MGAT4C: variants seen among roughly 807,000 people sequenced by gnomAD.
MGAT4C encodes alpha-1,3-mannosyl-glycoprotein 4-beta-N-acetylglucosaminyltransferase C.
MGAT4C carries 19 observed loss-of-function variants against 40.1 expected under a neutral mutation model. The ratio of observed to expected loss-of-function variants is 0.47; its 90% confidence interval spans 0.33 to 0.70. MGAT4C has a LOEUF of 0.70. Ranked by LOEUF, MGAT4C falls within the 30% of genes least tolerant of loss-of-function variation. The pLI, the probability that MGAT4C is intolerant of heterozygous loss-of-function variation, is 0.02. For synonymous variants in MGAT4C, 181 were observed against 187.1 expected, an observed-to-expected ratio of 0.97 and a Z score of 0.27; for missense variants, 491 against 563.2, an observed-to-expected ratio of 0.87 and a Z score of 1.30.
At chr12:86,357,663 C>A (rs943156607) in intron 3 of MGAT4C, among the ~76,000 whole-genome samples, 1 of 152,100 alleles carries the variant, frequency 6.6e-6, no homozygotes, top group Non-Finnish European at 1.5e-5. Flanking sequence ...AACCATGGCA[C>A]AAGAACTATG....
At chr12:86,568,321 T>C (rs1257395667) in intron 2 of MGAT4C, among the ~76,000 whole-genome samples, 1 of 152,088 alleles carries the variant, frequency 6.6e-6, no homozygotes, top group Admixed American at 6.6e-5. Flanking sequence ...CTATACTGGA[T>C]GCTTCTGCCC....
chr12:86,605,480 TG>T (rs1962011909), intron 2 of MGAT4C, among the ~76,000 whole-genome samples: 1 of 152,160 alleles, frequency 6.6e-6, no homozygotes, highest in Non-Finnish European at 1.5e-5. Context: ...GATAATTTTC[TG>T]GTAATCAATC....
intron 2 of MGAT4C, among the ~76,000 whole-genome samples, chr12:86,691,551 A>G (rs1181299404): frequency 6.6e-6 from 1 of 152,184 alleles, no homozygotes; most frequent in Admixed American, 6.5e-5. Context: ...GCCAGTTCAC[A>G]CTGAGACTGA....
At chr12:86,551,688 A>G (rs1367895895) in intron 2 of MGAT4C, among the ~76,000 whole-genome samples, 1 of 152,196 alleles carries the variant, frequency 6.6e-6, no homozygotes, top group African/African-American at 2.4e-5. Flanking sequence ...AACAGACCTT[A>G]TGATGGCAAA....
intron 2 of MGAT4C, among the ~76,000 whole-genome samples, chr12:86,464,076 T>G (rs2136297987): frequency 6.6e-6 from 1 of 152,290 alleles, no homozygotes; most frequent in Non-Finnish European, 1.5e-5. Context: ...GTTTGGTTGA[T>G]AAACCAATCT....
intron 2 of MGAT4C, among the ~76,000 whole-genome samples, chr12:86,714,432 G>T (rs1950609301): frequency 6.6e-6 from 1 of 152,054 alleles, no homozygotes; most frequent in Non-Finnish European, 1.5e-5. Flanking sequence ...TGTAGCTCCT[G>T]TAATTCCCAC....
intron 2 of MGAT4C, among the ~76,000 whole-genome samples, chr12:86,489,807 G>A (rs961314397): frequency 5.3e-5 from 8 of 152,128 alleles, no homozygotes; most frequent in African/African-American, 1.4e-4. Context: ...GCGATCAACT[G>A]GAAGAAAGGG....
chr12:86,055,653 C>G (rs552731372), intron 1 of MGAT4C, among the ~76,000 whole-genome samples: 2 of 152,046 alleles, frequency 1.3e-5, no homozygotes, highest in African/African-American at 4.8e-5. Context: ...AGGATCAACA[C>G]TGGATACACA....
intron 4 of MGAT4C, among the ~76,000 whole-genome samples, chr12:86,275,226 T>C (rs1170502483): frequency 1.1e-4 from 17 of 152,104 alleles, no homozygotes; most frequent in Admixed American, 1.0e-3. Context: ...ACCAATCTGA[T>C]AATATTAAAG....
At position 86,175,371 on chromosome 12, in the gene MGAT4C, T is replaced by G. The variant is rs73382805; in HGVS notation, c.-57+80868A>C. On this transcript the variant is annotated intron_variant, in intron 1 of 4. Coordinates refer to ENST00000611864, the MANE Select transcript of MGAT4C (RefSeq NM_001351288.2). Reference sequence around the variant, plus strand: ...TTCTGTCTGCCTGTTCAAACATTGCTTTTACATCCTAAATTTCTCTTAAAT... The same window carrying G: ...TTCTGTCTGCCTGTTCAAACATTGCGTTTACATCCTAAATTTCTCTTAAAT... 3.2e-3 allele frequency among the ~76,000 whole-genome samples: 495 copies of G among 152,308 alleles called. 2 individuals are homozygous for G. The highest frequency in any genetic ancestry group is 0.012 in the African/African-American group (483 of 41,582).
intron 2 of MGAT4C, among the ~76,000 whole-genome samples, chr12:86,670,874 C>A (rs1247197073): frequency 4.6e-5 from 7 of 152,158 alleles, no homozygotes; most frequent in African/African-American, 1.7e-4. Context: ...GATAACTTTG[C>A]AACAAAATAT....
intron 1 of MGAT4C, among the ~76,000 whole-genome samples, chr12:86,729,727 C>T (rs1449450503): frequency 6.6e-6 from 1 of 151,938 alleles, no homozygotes; most frequent in East Asian, 1.9e-4. Flanking sequence ...ATTCTCATAA[C>T]AAAAGCCCTG....
At chr12:86,287,766 T>A (rs983895466) in intron 4 of MGAT4C, among the ~76,000 whole-genome samples, 1 of 152,246 alleles carries the variant, frequency 6.6e-6, no homozygotes, top group African/African-American at 2.4e-5. Flanking sequence ...GCATTTGGGT[T>A]GGTTCTAAAT....
chr12:86,645,856 A>AAGCAT (rs1963527297), intron 2 of MGAT4C, among the ~76,000 whole-genome samples: 2 of 151,792 alleles, frequency 1.3e-5, no homozygotes, highest in African/African-American at 4.8e-5. Context: ...CAATATAGGT[A>AAGCAT]ATGCCTATGC....
chr12:86,237,845 G>A (rs981479750), intron 1 of MGAT4C, among the ~76,000 whole-genome samples: 5 of 151,838 alleles, frequency 3.3e-5, no homozygotes, highest in East Asian at 1.9e-4. Flanking sequence ...TTTATCTTGC[G>A]ATCTTGAAGG....
chr12:86,258,273 C>T (rs961181969), upstream of MGAT4C, among the ~76,000 whole-genome samples: 1 of 150,900 alleles, frequency 6.6e-6, no homozygotes, highest in African/African-American at 2.4e-5. Context: ...TTTCTACATG[C>T]AACAGGATAT....
intron 1 of MGAT4C, among the ~76,000 whole-genome samples, chr12:86,132,785 C>T (rs1881401553): frequency 1.8e-5 from 2 of 113,698 alleles, no homozygotes; most frequent in Non-Finnish European, 3.5e-5. Context: ...GAGCGAGACT[C>T]CGTCTCAAAA....
intron 2 of MGAT4C, among the ~76,000 whole-genome samples, chr12:86,647,164 A>G (rs749598758): frequency 6.6e-6 from 1 of 151,926 alleles, no homozygotes; most frequent in Non-Finnish European, 1.5e-5. Context: ...CTGCAGTCCC[A>G]TGAGTTATCC....
At chr12:86,766,277 T>C (rs966931140) in intron 1 of MGAT4C, among the ~76,000 whole-genome samples, 1 of 151,994 alleles carries the variant, frequency 6.6e-6, no homozygotes, top group Non-Finnish European at 1.5e-5. Flanking sequence ...AAGAAGGCCA[T>C]TACATAATGG....
Sources: gnomAD v4.1 joint callset for allele counts (sites outside exome capture counted in the v4.1 genomes callset) on GRCh38, gnomAD v4.1.1 for gene constraint, MANE v1.5 for transcripts, NCBI Gene and HGNC (gene_info 2026-07-23, HGNC 2026-07-21) for gene names.